SEMA5A: variants seen among roughly 807,000 people sequenced by gnomAD.
SEMA5A encodes semaphorin 5A.
SEMA5A carries 55 observed loss-of-function variants against 135.5 expected under a neutral mutation model. The observed-to-expected ratio is 0.41, with a 90% CI of 0.33 to 0.51. SEMA5A has a LOEUF of 0.51. Among genes scored for constraint, SEMA5A ranks in the 20% least tolerant of loss-of-function variants. The pLI, the probability that SEMA5A is intolerant of heterozygous loss-of-function variation, is 0.37. For synonymous variants in SEMA5A, 580 were observed against 546.5 expected, an observed-to-expected ratio of 1.06 and a Z score of -0.85; for missense variants, 1,290 against 1,419.9, an observed-to-expected ratio of 0.91 and a Z score of 1.47.
chr5:9,194,348 T>C (rs207465542), intron 10 of SEMA5A, among the ~76,000 whole-genome samples: 2 of 152,238 alleles, frequency 1.3e-5, no homozygotes, highest in African/African-American at 4.8e-5. Context: ...TTCTTCTTCC[T>C]GAATCCAATT....
chr5:9,489,221 T>C (rs2126795796), intron 1 of SEMA5A, among the ~76,000 whole-genome samples: 1 of 150,312 alleles, frequency 6.7e-6, no homozygotes, highest in Non-Finnish European at 1.5e-5. Flanking sequence ...TTACTTCTAA[T>C]GAAAATTGCT....
At chr5:9,451,247 T>C (rs1009865349) in intron 1 of SEMA5A, among the ~76,000 whole-genome samples, 1 of 152,148 alleles carries the variant, frequency 6.6e-6, no homozygotes, top group African/African-American at 2.4e-5. Flanking sequence ...AGAAACCATC[T>C]AATCATGAAC....
intron 5 of SEMA5A, among the ~76,000 whole-genome samples, chr5:9,298,791 T>A (rs1046635819): frequency 2.0e-5 from 3 of 152,212 alleles, no homozygotes; most frequent in Non-Finnish European, 4.4e-5. Flanking sequence ...TTTAAATATA[T>A]ACTGAGTCAC....
At chr5:9,340,931 T>C (rs1753620286) in intron 3 of SEMA5A, among the ~76,000 whole-genome samples, 1 of 152,142 alleles carries the variant, frequency 6.6e-6, no homozygotes, top group Non-Finnish European at 1.5e-5. Flanking sequence ...CACTCAATCC[T>C]CTTTTCAAAG....
chr5:9,156,172 C>A (rs183234552), intron 11 of SEMA5A, among the ~76,000 whole-genome samples: 2 of 152,170 alleles, frequency 1.3e-5, no homozygotes, highest in Non-Finnish European at 2.9e-5. Context: ...AGCAAATTCA[C>A]AGTTCACAGA....
chr5:9,239,839 T>TA (rs1470295339), intron 5 of SEMA5A, among the ~76,000 whole-genome samples: 1 of 152,024 alleles, frequency 6.6e-6, no homozygotes, highest in Non-Finnish European at 1.5e-5. Context: ...GTGATTTTGT[T>TA]AAAAGTTAAA....
At chr5:9,507,957 T>C (rs1346774952) in intron 1 of SEMA5A, among the ~76,000 whole-genome samples, 5 of 150,566 alleles carry the variant, frequency 3.3e-5, no homozygotes, top group Non-Finnish European at 7.4e-5. Flanking sequence ...TAAGCCAAGA[T>C]TGCGCCACTG....
intron 1 of SEMA5A, among the ~76,000 whole-genome samples, chr5:9,503,656 C>T (rs898243372): frequency 1.3e-5 from 2 of 152,134 alleles, no homozygotes; most frequent in Non-Finnish European, 2.9e-5. Context: ...TGTTGGACAC[C>T]TTCTCATGGA....
intron 11 of SEMA5A, among the ~76,000 whole-genome samples, chr5:9,180,157 A>G (rs1469671146): frequency 6.6e-6 from 1 of 152,040 alleles, no homozygotes; most frequent in Non-Finnish European, 1.5e-5. Flanking sequence ...GGTCCACTGT[A>G]CTCCAGTATG....
intron 1 of SEMA5A, among the ~76,000 whole-genome samples, chr5:9,475,694 G>A (rs1456607400): frequency 3.3e-5 from 5 of 152,032 alleles, no homozygotes; most frequent in East Asian, 3.9e-4. Flanking sequence ...TTAGCCAGTT[G>A]GTATTGTTAA....
At chr5:9,491,634 A>C (rs17326680) in intron 1 of SEMA5A, among the ~76,000 whole-genome samples, 3,264 of 152,312 alleles carry the variant, frequency 0.021, 47 homozygotes, top group Middle Eastern at 0.048. Flanking sequence ...CATCAACTTC[A>C]GTGTTGTCTT....
At chr5:9,435,927 C>A (rs1166480382) in intron 2 of SEMA5A, among the ~76,000 whole-genome samples, 1 of 152,150 alleles carries the variant, frequency 6.6e-6, no homozygotes, top group East Asian at 1.9e-4. Flanking sequence ...CTCTACAGGT[C>A]TGAGTAACTC....
intron 5 of SEMA5A, among the ~76,000 whole-genome samples, chr5:9,258,621 C>G (rs1418764475): frequency 1.3e-5 from 2 of 151,970 alleles, no homozygotes; most frequent in Admixed American, 1.3e-4. Context: ...TTTTTATTTC[C>G]CTATCCCTCA....
At chr5:9,067,567 C>A (rs1214071986) in intron 16 of SEMA5A, among the ~76,000 whole-genome samples, 1 of 131,700 alleles carries the variant, frequency 7.6e-6, no homozygotes, top group Non-Finnish European at 1.6e-5. Context: ...TTAAATCACT[C>A]TTTAAGCTTT....
At chr5:9,483,215 G>T (rs1420657279) in intron 1 of SEMA5A, among the ~76,000 whole-genome samples, 1 of 151,742 alleles carries the variant, frequency 6.6e-6, no homozygotes, top group Non-Finnish European at 1.5e-5. Context: ...TTCTGTCTTT[G>T]GGGCTGTCTC....
chr5:9,225,776 C>T (rs1352243399), intron 7 of SEMA5A, among the ~76,000 whole-genome samples: 1 of 151,902 alleles, frequency 6.6e-6, no homozygotes, highest in Non-Finnish European at 1.5e-5. Context: ...TCCAGCTTCC[C>T]AAATGCTGGA....
At chr5:9,137,568 A>G (rs896080277) in intron 12 of SEMA5A, among the ~76,000 whole-genome samples, 14 of 152,180 alleles carry the variant, frequency 9.2e-5, no homozygotes, top group African/African-American at 3.4e-4. Flanking sequence ...TGAATGCACC[A>G]AGAAGTTGGA....
intron 11 of SEMA5A, among the ~76,000 whole-genome samples, chr5:9,183,636 G>A (rs1560997126): frequency 6.6e-6 from 1 of 152,220 alleles, no homozygotes; most frequent in African/African-American, 2.4e-5. Context: ...CCTGACCAAT[G>A]AGCGGTCCTT....
At chr5:9,475,517 C>A (rs895312209) in intron 1 of SEMA5A, among the ~76,000 whole-genome samples, 2 of 152,094 alleles carry the variant, frequency 1.3e-5, no homozygotes, top group Non-Finnish European at 2.9e-5. Context: ...GAAAAGGCAG[C>A]CTTTAAAGTA....
Sources: allele counts gnomAD v4.1 joint callset (sites outside exome capture counted in the v4.1 genomes callset), GRCh38; gene constraint gnomAD v4.1.1; transcripts MANE v1.5; gene names NCBI Gene and HGNC (gene_info 2026-07-23, HGNC 2026-07-21).